Variants in ST6GALNAC3 observed in about 807,000 individuals in gnomAD.
ST6GALNAC3 encodes the protein ST6 N-acetylgalactosaminide alpha-2,6-sialyltransferase 3, also known as alpha-N-acetylgalactosaminide alpha-2,6-sialyltransferase 3.
In ST6GALNAC3, 25 loss-of-function variants were observed where a neutral mutation model predicts 32.7. The observed-to-expected ratio is 0.76, with a 90% CI of 0.56 to 1.07. ST6GALNAC3 has a LOEUF of 1.07. Ranked by LOEUF, ST6GALNAC3 falls within the 50% of genes least tolerant of loss-of-function variation. The pLI is 0.00. For missense variants in ST6GALNAC3, 355 were observed against 382.4 expected, an observed-to-expected ratio of 0.93 and a Z score of 0.60; for synonymous variants, 129 against 133.1, an observed-to-expected ratio of 0.97 and a Z score of 0.21.
chr1:76,461,176 CTTT>C (rs1658254297), intron 3 of ST6GALNAC3, among the ~76,000 whole-genome samples: 1 of 152,178 alleles, frequency 6.6e-6, no homozygotes, highest in Admixed American at 6.5e-5. Context: ...TGAAATTGTT[CTTT>C]ATGATACTCT....
chr1:76,620,550 G>C (rs931077430), intron 3 of ST6GALNAC3, among the ~76,000 whole-genome samples: 29 of 152,062 alleles, frequency 1.9e-4, no homozygotes, highest in African/African-American at 7.0e-4. Flanking sequence ...CTGTCTTGTA[G>C]ATGGCTGCCC....
chr1:76,561,129 A>G (rs911371141), intron 3 of ST6GALNAC3, among the ~76,000 whole-genome samples: 2 of 152,206 alleles, frequency 1.3e-5, no homozygotes, highest in African/African-American at 4.8e-5. Context: ...TCTCTCACTC[A>G]TTTGTGGGAT....
chr1:76,502,189 CA>C lies in ST6GALNAC3; in HGVS notation c.623+89774del, dbSNP rs533712871. On this transcript the variant is annotated intron_variant, in intron 3 of 4. Coordinates refer to ENST00000328299, the MANE Select transcript of ST6GALNAC3 (RefSeq NM_152996.4). ...GGGATTGCCTCTACCTATTTGAGAT[CA>C]AGGGATCTCTTCCTGTTACCTAAAG... is the stretch of plus-strand genomic sequence containing the variant. 2.3e-3 allele frequency among the ~76,000 whole-genome samples: 353 copies of C among 152,330 alleles called. 5 individuals carry two copies. The highest frequency in any genetic ancestry group is 7.4e-3 in the African/African-American group (308 of 41,578).
intron 1 of ST6GALNAC3, among the ~76,000 whole-genome samples, chr1:76,115,317 C>T (rs1375845590): frequency 2.0e-5 from 3 of 151,608 alleles, no homozygotes; most frequent in East Asian, 3.9e-4. Context: ...GTAGCTCCTC[C>T]TCCCCCTCAA....
chr1:76,563,468 A>G lies in ST6GALNAC3; in HGVS notation c.624-63984A>G, dbSNP rs141409267. 1.4e-3 allele frequency among the ~76,000 whole-genome samples: 211 copies of G among 152,236 alleles called. 1 individual carries two copies. The highest frequency in any genetic ancestry group is 4.9e-3 in the African/African-American group (204 of 41,532). ...AAAATATTGCTCTTTTCACCCATAC[A>G]ATTTTTGTCAGTAATCCTCAAAGGA... On this transcript the variant is annotated intron_variant, in intron 3 of 4. Coordinates refer to ENST00000328299, the MANE Select transcript of ST6GALNAC3 (RefSeq NM_152996.4).
At chr1:76,307,917 T>A (rs1661160999) in intron 1 of ST6GALNAC3, 1 of 516,602 alleles carries the variant, frequency 1.9e-6, no homozygotes, top group Admixed American at 1.9e-5. Context: ...GTCTGATAAA[T>A]GATATTCCCA....
intron 1 of ST6GALNAC3, among the ~76,000 whole-genome samples, chr1:76,159,552 G>A (rs565568058): frequency 6.6e-6 from 1 of 152,164 alleles, no homozygotes; most frequent in Non-Finnish European, 1.5e-5. Context: ...CCTGCTTCTG[G>A]CTTCACCACT....
intron 2 of ST6GALNAC3, among the ~76,000 whole-genome samples, chr1:76,374,154 G>A (rs1021200818): frequency 1.3e-5 from 2 of 152,050 alleles, no homozygotes; most frequent in African/African-American, 4.8e-5. Flanking sequence ...ACTTATATAG[G>A]GCTTTTTATC....
At chr1:76,326,444 A>G (rs899367419) in intron 2 of ST6GALNAC3, among the ~76,000 whole-genome samples, 2 of 152,172 alleles carry the variant, frequency 1.3e-5, no homozygotes, top group African/African-American at 4.8e-5. Flanking sequence ...GAGAGTGACT[A>G]TTTGCCAAAA....
At chr1:76,514,468 G>A (rs899274638) in intron 3 of ST6GALNAC3, among the ~76,000 whole-genome samples, 1 of 152,068 alleles carries the variant, frequency 6.6e-6, no homozygotes, top group African/African-American at 2.4e-5. Flanking sequence ...GGGGTGTTTT[G>A]GTTATGGGAC....
At chr1:76,380,039 T>A (rs1651581158) in intron 2 of ST6GALNAC3, among the ~76,000 whole-genome samples, 1 of 152,022 alleles carries the variant, frequency 6.6e-6, no homozygotes, top group Admixed American at 6.6e-5. Context: ...GAAAAACATA[T>A]GGCAGCTAAG....
intron 2 of ST6GALNAC3, among the ~76,000 whole-genome samples, chr1:76,356,595 G>T (rs1432119942): frequency 6.6e-6 from 1 of 152,094 alleles, no homozygotes; most frequent in Non-Finnish European, 1.5e-5. Flanking sequence ...GAGACCTAGG[G>T]TGGACAGGGA....
At chr1:76,145,274 A>G (rs888809121) in intron 1 of ST6GALNAC3, among the ~76,000 whole-genome samples, 1 of 152,206 alleles carries the variant, frequency 6.6e-6, no homozygotes, top group Non-Finnish European at 1.5e-5. Flanking sequence ...CAGGAATCAC[A>G]CTGGGAAAGC....
intron 1 of ST6GALNAC3, among the ~76,000 whole-genome samples, chr1:76,290,388 T>C (rs1411158800): frequency 6.6e-6 from 1 of 152,218 alleles, no homozygotes; most frequent in Non-Finnish European, 1.5e-5. Context: ...CATTCAGATC[T>C]ACCTCACTCC....
chr1:76,522,637 A>T lies in ST6GALNAC3; in HGVS notation c.624-104815A>T, dbSNP rs552611372. Reference sequence around the variant, plus strand: ...AATCCCATCTCATTATTTTGTATAGATTCTATGGTGGCTTTATATTATGCC... The same window carrying T: ...AATCCCATCTCATTATTTTGTATAGTTTCTATGGTGGCTTTATATTATGCC... On this transcript the variant is annotated intron_variant, in intron 3 of 4. Transcript: ENST00000328299. Among the ~76,000 whole-genome samples, 6 of 152,166 alleles carry T rather than the reference A, an allele frequency of 3.9e-5. No individual in the cohort carries two copies. In the South Asian group the frequency reaches 1.0e-3, roughly 26 times the overall value.
chr1:76,140,854 T>C (rs1369388112), intron 1 of ST6GALNAC3, among the ~76,000 whole-genome samples: 1 of 149,350 alleles, frequency 6.7e-6, no homozygotes, highest in African/African-American at 2.5e-5. Flanking sequence ...GCCAGAGTGA[T>C]CTCAAACTCC....
intron 3 of ST6GALNAC3, among the ~76,000 whole-genome samples, chr1:76,448,354 G>T (rs1257340267): frequency 6.6e-6 from 1 of 152,166 alleles, no homozygotes; most frequent in Non-Finnish European, 1.5e-5. Context: ...CAGGCTCATA[G>T]GCAGAAGGGA....
intron 2 of ST6GALNAC3, among the ~76,000 whole-genome samples, chr1:76,367,391 C>G (rs569445132): frequency 1.1e-4 from 17 of 152,012 alleles, no homozygotes; most frequent in Admixed American, 3.3e-4. Context: ...GCACAGGGCA[C>G]TAGGGGAACA....
intron 1 of ST6GALNAC3, among the ~76,000 whole-genome samples, chr1:76,284,743 G>A (rs4607942): frequency 0.43 from 65,843 of 151,704 alleles, 14,379 homozygotes; most frequent in Admixed American, 0.49. Flanking sequence ...AGGTTTGGAG[G>A]CAAACTATTG....
Sources: allele counts gnomAD v4.1 joint callset (sites outside exome capture counted in the v4.1 genomes callset), GRCh38; gene constraint gnomAD v4.1.1; transcripts MANE v1.5; gene names NCBI Gene and HGNC (gene_info 2026-07-23, HGNC 2026-07-21).